Variants in NAV2 observed in about 807,000 individuals in gnomAD.
The protein encoded by NAV2 is neuron navigator 2.
A neutral mutation model predicts 223.2 loss-of-function variants in NAV2; 54 were observed. The observed-to-expected ratio is 0.24, with a 90% CI of 0.19 to 0.30. NAV2 has a LOEUF of 0.30. Ranked by LOEUF, NAV2 falls within the 10% of genes least tolerant of loss-of-function variation. The pLI, the probability that NAV2 is intolerant of heterozygous loss-of-function variation, is 1.00. For missense variants in NAV2, 2,806 were observed against 3,147.5 expected (o/e 0.89, Z 2.60); for synonymous variants, 1,279 against 1,239.3 (o/e 1.03, Z -0.67).
chr11:19,625,637 T>C (rs1356257993), intron 1 of NAV2, among the ~76,000 whole-genome samples: 1 of 152,194 alleles, frequency 6.6e-6, no homozygotes, highest in Non-Finnish European at 1.5e-5. Flanking sequence ...ATACTGTTCA[T>C]AGCAGCTGTA....
chr11:20,085,070 TGTA>T (rs3993138), intron 26 of NAV2, among the ~76,000 whole-genome samples: 72,402 of 151,386 alleles, frequency 0.48, 17,685 homozygotes, highest in South Asian at 0.7. Context: ...GTTGCATACT[TGTA>T]GTCCCAGCTA....
Position 19,577,935 on chromosome 11 carries a change from C to T in NAV2, c.75+226908C>T, listed in dbSNP as rs79345390. On this transcript the variant is annotated intron_variant, in intron 1 of 37. Coordinates refer to the NAV2 transcript ENST00000360655. ...ATCAGCGACAGGCGCCCAAAATAGA[C>T]TCAAAATCAGCAGCATTTTGTTTTG... 6.0e-3 allele frequency among the ~76,000 whole-genome samples: 921 copies of T among 152,318 alleles called. 10 individuals carry two copies. The highest frequency in any genetic ancestry group is 0.021 in the African/African-American group (867 of 41,570).
In NAV2 at chr11:20,107,666, C is replaced by T; in HGVS notation, c.6844C>T (p.Pro2282Ser). Residue 2282 changes from proline to serine, a missense_variant and splice_region_variant, in exon 36 of 38, where the codon CCC becomes TCC. Coordinates refer to ENST00000349880, the MANE Select transcript of NAV2 (RefSeq NM_145117.5). Reference sequence around the variant, plus strand: ...TGTATTTTCACTGTGGTCTCCAGGCCCCCGGCTCTTCCTGTCATGCCCCAT... The same window carrying T: ...TGTATTTTCACTGTGGTCTCCAGGCTCCCGGCTCTTCCTGTCATGCCCCAT... ...AHSSSDVTIG[P>S]RLFLSCPIDV... 6.2e-7 allele frequency: 1 copy of T among 1,613,448 alleles called. No homozygotes were observed.
chr11:19,825,906 C>G (rs2152873142), intron 1 of NAV2, among the ~76,000 whole-genome samples: 1 of 152,256 alleles, frequency 6.6e-6, no homozygotes, highest in South Asian at 2.1e-4. Flanking sequence ...AAAATGAATT[C>G]ACTGTTTAGC....
chr11:20,003,927 A>T (rs181727682), intron 11 of NAV2, among the ~76,000 whole-genome samples: 1 of 152,244 alleles, frequency 6.6e-6, no homozygotes. Context: ...TTAAATTGTT[A>T]ATAATACTAT....
intron 1 of NAV2, among the ~76,000 whole-genome samples, chr11:19,628,024 G>A (rs2047221365): frequency 6.6e-6 from 1 of 152,144 alleles, no homozygotes; most frequent in Non-Finnish European, 1.5e-5. Context: ...CTCTGTGTTG[G>A]GCTGGCATGT....
rs555434450 is a variant in NAV2 at position 19,691,159 on chromosome 11, A to T, written c.76-141325A>T. Among the ~76,000 whole-genome samples, 4 of 152,316 alleles carry T rather than the reference A, an allele frequency of 2.6e-5. No homozygotes were observed. The East Asian group carries it at 7.7e-4, about 29-fold the overall frequency. On this transcript the variant is annotated intron_variant, in intron 1 of 37. Transcript: ENST00000360655. ...CTACTGCTGCTGTTCCAGGGATCAC[A>T]CTTAGATAAACAGGCTCTAGGCCAG... is the stretch of plus-strand genomic sequence containing the variant.
chr11:20,044,566 G>C (rs984531303), intron 13 of NAV2, among the ~76,000 whole-genome samples: 2 of 152,184 alleles, frequency 1.3e-5, no homozygotes, highest in Non-Finnish European at 2.9e-5. Flanking sequence ...GGGTTTATGA[G>C]CTGTGGGTGT....
At chr11:20,011,332 GA>G (rs756934247) in intron 11 of NAV2, among the ~76,000 whole-genome samples, 4 of 152,138 alleles carry the variant, frequency 2.6e-5, no homozygotes, top group Non-Finnish European at 5.9e-5. Context: ...AGGGATAAAA[GA>G]AAAAGGTTGT....
intron 1 of NAV2, among the ~76,000 whole-genome samples, chr11:19,590,197 C>A (rs2046020310): frequency 6.6e-6 from 1 of 152,182 alleles, no homozygotes; most frequent in South Asian, 2.1e-4. Flanking sequence ...GCATGTAAAG[C>A]ATTTATAACG....
chr11:19,892,228 A>C (rs1385673199), intron 5 of NAV2, among the ~76,000 whole-genome samples: 1 of 152,224 alleles, frequency 6.6e-6, no homozygotes, highest in Non-Finnish European at 1.5e-5. Context: ...GCTCAAAGGG[A>C]AACTTCACAT....
chr11:20,055,782 T>G lies in NAV2; in HGVS notation c.4656T>G (p.Thr1552=), dbSNP rs1343109207. Residue 1552 remains threonine (T), a synonymous_variant, in exon 19 of 38, where the codon ACT becomes ACG. Transcript: ENST00000349880. The part of the protein sequence containing the change: ...FNFSQLASPT[T]VTQMSLSNPT... ...CTTTTATTCCAGCGAGTCCCACCAC[T>G]GTCACCCAGATGAGCTTGTCCAACC... 1 of 1,614,012 alleles carries G rather than the reference T, an allele frequency of 6.2e-7. No individual in the cohort carries two copies. Among genetic ancestry groups the G allele is most frequent in the Admixed American group, 1.7e-5 (1 of 60,034 alleles).
chr11:20,100,156 T>C (rs2153697450), intron 31 of NAV2, among the ~76,000 whole-genome samples: 1 of 152,366 alleles, frequency 6.6e-6, no homozygotes, highest in Admixed American at 6.5e-5. Context: ...CCTGAGGTTC[T>C]GGACAGCTAA....
At chr11:19,641,535 C>G (rs975746940) in intron 1 of NAV2, among the ~76,000 whole-genome samples, 4 of 151,988 alleles carry the variant, frequency 2.6e-5, no homozygotes, top group Non-Finnish European at 4.4e-5. Flanking sequence ...ACCTGCCAGG[C>G]CCCCCTGAAC....
intron 1 of NAV2, among the ~76,000 whole-genome samples, chr11:19,430,330 G>A (rs1850994954): frequency 6.6e-6 from 1 of 152,230 alleles, no homozygotes; most frequent in African/African-American, 2.4e-5. Flanking sequence ...GCCTCGGCAT[G>A]TGGTCTCTGC....
intron 1 of NAV2, among the ~76,000 whole-genome samples, chr11:19,779,623 A>G (rs76284991): frequency 0.035 from 5,387 of 152,266 alleles, 150 homozygotes; most frequent in Non-Finnish European, 0.055. Context: ...CTCTTTTGTA[A>G]AAGGCTGTTT....
intron 1 of NAV2, among the ~76,000 whole-genome samples, chr11:19,458,252 G>T (rs149962143): frequency 2.3e-4 from 35 of 152,370 alleles, no homozygotes; most frequent in Middle Eastern, 3.4e-3. Context: ...CCACACTGTA[G>T]CAGGGAGTAG....
intron 1 of NAV2, among the ~76,000 whole-genome samples, chr11:19,737,573 G>A (rs2052439521): frequency 6.6e-6 from 1 of 152,196 alleles, no homozygotes; most frequent in African/African-American, 2.4e-5. Context: ...AAAGAGACTG[G>A]ATCCAAGAAC....
chr11:19,649,952 G>A (rs1225750506), intron 1 of NAV2, among the ~76,000 whole-genome samples: 4 of 152,176 alleles, frequency 2.6e-5, no homozygotes, highest in Non-Finnish European at 4.4e-5. Flanking sequence ...TATTGGCAAC[G>A]ACATGAAGCA....
Sources: allele counts gnomAD v4.1 joint callset (sites outside exome capture counted in the v4.1 genomes callset), GRCh38; gene constraint gnomAD v4.1.1; transcripts MANE v1.5; gene names NCBI Gene and HGNC (gene_info 2026-07-23, HGNC 2026-07-21).